Variants in ARHGAP20 observed in about 807,000 individuals in gnomAD.
ARHGAP20 encodes rho GTPase-activating protein 20.
ARHGAP20 carries 34 observed loss-of-function variants against 73.7 expected under a neutral mutation model. That is an observed-to-expected ratio of 0.46 (90% CI 0.35 to 0.61). ARHGAP20 has a LOEUF of 0.61. Among genes scored for constraint, ARHGAP20 ranks in the 20% least tolerant of loss-of-function variants. The probability of loss-of-function intolerance (pLI) is 0.00; values close to 1 mark genes in which losing one functional copy is unlikely to be tolerated. For synonymous variants in ARHGAP20, 523 were observed against 518.2 expected (o/e 1.01, Z -0.13); for missense variants, 1,314 against 1,420.9 (o/e 0.92, Z 1.21).
At chr11:110,683,562 T>C (rs1057498212) in intron 2 of ARHGAP20, among the ~76,000 whole-genome samples, 2 of 152,190 alleles carry the variant, frequency 1.3e-5, no homozygotes, top group African/African-American at 4.8e-5. Flanking sequence ...TATTATTTTA[T>C]TAATAAATGT....
intron 3 of ARHGAP20, among the ~76,000 whole-genome samples, chr11:110,627,599 C>T (rs4938085): frequency 0.16 from 24,136 of 152,054 alleles, 2,345 homozygotes; most frequent in East Asian, 0.31. Context: ...ATATATTCCA[C>T]AAATATCTGA....
intron 2 of ARHGAP20, among the ~76,000 whole-genome samples, chr11:110,633,287 T>C (rs1436602715): frequency 6.6e-6 from 1 of 152,176 alleles, no homozygotes. Context: ...GATCTTTAAA[T>C]TCCCTTCCTC....
chr11:110,711,886 C>T, intron 1 of ARHGAP20: 1 of 1,309,818 alleles, frequency 7.6e-7, no homozygotes. Context: ...GCTGCGAGGT[C>T]GCTCGAGGAG....
intron 6 of ARHGAP20, among the ~76,000 whole-genome samples, chr11:110,612,153 T>C (rs1948380270): frequency 6.6e-6 from 1 of 151,960 alleles, no homozygotes; most frequent in South Asian, 2.1e-4. Context: ...GTTAACAAGC[T>C]CATGCCTGTA....
intron 2 of ARHGAP20, among the ~76,000 whole-genome samples, chr11:110,651,111 A>G (rs1159995903): frequency 2.6e-5 from 4 of 152,214 alleles, no homozygotes; most frequent in Non-Finnish European, 5.9e-5. Flanking sequence ...CTACATGGAA[A>G]TTGAACAACC....
chr11:110,594,194 A>C (rs942344125), intron 9 of ARHGAP20, among the ~76,000 whole-genome samples: 10 of 152,152 alleles, frequency 6.6e-5, no homozygotes, highest in African/African-American at 2.4e-4. Flanking sequence ...AAATGGCCTT[A>C]AGATCATCAT....
intron 2 of ARHGAP20, among the ~76,000 whole-genome samples, chr11:110,668,673 A>G (rs375524645): frequency 6.2e-5 from 9 of 144,490 alleles, no homozygotes; most frequent in East Asian, 5.8e-4. Context: ...GAAAAAAGAA[A>G]AGAAAGAAAA....
intron 2 of ARHGAP20, among the ~76,000 whole-genome samples, chr11:110,689,710 G>A (rs759676491): frequency 2.6e-5 from 4 of 151,960 alleles, no homozygotes; most frequent in Non-Finnish European, 4.4e-5. Context: ...TAACCATTTC[G>A]CTAAAGTATT....
At chr11:110,617,760 A>C (rs1351968290) in intron 4 of ARHGAP20, among the ~76,000 whole-genome samples, 2 of 152,168 alleles carry the variant, frequency 1.3e-5, no homozygotes, top group Non-Finnish European at 2.9e-5. Flanking sequence ...GCATTTTTAC[A>C]GGACTAAAAA....
At chr11:110,648,226 T>TATATATATGTAAATATATATATGTAA (rs1555094954) in intron 2 of ARHGAP20, among the ~76,000 whole-genome samples, 132 of 79,328 alleles carry the variant, frequency 1.7e-3, no homozygotes, top group East Asian at 0.014. Flanking sequence ...TATATGTATA[T>TATATATATGTAAATATATATATGTAA]ATATATATAT....
chr11:110,648,227 AT>A, intron 2 of ARHGAP20, among the ~76,000 whole-genome samples: 1 of 96,844 alleles, frequency 1.0e-5, no homozygotes, highest in African/African-American at 4.5e-5. Flanking sequence ...ATATGTATAT[AT>A]ATATATATGT....
Position 110,577,455 on chromosome 11 carries a change from T to C in ARHGAP20, c.*1915A>G, listed in dbSNP as rs1947315537. ...TATGCTTCAAATTGGGTGAATGATT[T>C]TTTACCTGCTAACATGAAAAAAAAA... is the stretch of plus-strand genomic sequence containing the variant. On this transcript the variant is annotated 3_prime_UTR_variant, in exon 15 of 15. Transcript: ENST00000683387. 9.4e-7 allele frequency: 1 copy of C among 1,062,768 alleles called. No individual in the cohort carries two copies. The highest frequency in any genetic ancestry group is 1.1e-6 in the Non-Finnish European group (1 of 883,912). 65.8% of individuals were successfully genotyped at this position (1,062,768 alleles called of 1,614,324 possible).
At chr11:110,614,696 G>A (rs368512309) in intron 5 of ARHGAP20, 51 bp from the exon 6 acceptor site, 56 of 1,159,012 alleles carry the variant, frequency 4.8e-5, no homozygotes, top group Non-Finnish European at 6.8e-5. Flanking sequence ...GATGGAATTC[G>A]CTAATGGCTT....
At chr11:110,648,914 G>A (rs992583891) in intron 2 of ARHGAP20, among the ~76,000 whole-genome samples, 3 of 152,048 alleles carry the variant, frequency 2.0e-5, no homozygotes, top group African/African-American at 7.2e-5. Context: ...TTACTTTACT[G>A]TATTAAAATT....
intron 2 of ARHGAP20, among the ~76,000 whole-genome samples, chr11:110,683,576 C>A (rs2135099475): frequency 6.6e-6 from 1 of 152,148 alleles, no homozygotes; most frequent in South Asian, 2.1e-4. Context: ...TAAATGTGTG[C>A]TAGGACATTA....
intron 2 of ARHGAP20, among the ~76,000 whole-genome samples, chr11:110,679,131 C>T (rs533243423): frequency 6.6e-6 from 1 of 152,306 alleles, no homozygotes; most frequent in South Asian, 2.1e-4. Flanking sequence ...CAAGAGCCTT[C>T]ATGTGGCTAT....
At chr11:110,629,059 A>G (rs570662335) in intron 3 of ARHGAP20, among the ~76,000 whole-genome samples, 1 of 152,330 alleles carries the variant, frequency 6.6e-6, no homozygotes, top group South Asian at 2.1e-4. Flanking sequence ...AGGTGAAGGA[A>G]AATACATTCT....
chr11:110,586,151 TAATA>T (rs1465338292), intron 12 of ARHGAP20, 61 bp downstream of exon 12: 29 of 828,870 alleles, frequency 3.5e-5, no homozygotes, highest in Non-Finnish European at 4.3e-5. Context: ...GTCATTATTT[TAATA>T]AATAATCTTA....
chr11:110,649,965 C>A (rs1166094344), intron 2 of ARHGAP20, among the ~76,000 whole-genome samples: 1 of 152,010 alleles, frequency 6.6e-6, no homozygotes, highest in Non-Finnish European at 1.5e-5. Context: ...GTTTAAATTA[C>A]CTACATTTCT....
Sources: allele counts gnomAD v4.1 joint callset (sites outside exome capture counted in the v4.1 genomes callset), GRCh38; gene constraint gnomAD v4.1.1; transcripts MANE v1.5; gene names NCBI Gene and HGNC (gene_info 2026-07-23, HGNC 2026-07-21).